HCN1: variants seen among roughly 807,000 people sequenced by gnomAD.
The protein encoded by HCN1 is hyperpolarization activated cyclic nucleotide gated potassium channel 1.
In HCN1, 13 loss-of-function variants were observed where a neutral mutation model predicts 78.9. That is an observed-to-expected ratio of 0.16 (90% CI 0.11 to 0.26). The LOEUF (loss-of-function observed/expected upper bound fraction) is 0.26. Ranked by LOEUF, HCN1 falls within the 10% of genes least tolerant of loss-of-function variation. The probability of loss-of-function intolerance (pLI) is 1.00; values close to 1 mark genes in which losing one functional copy is unlikely to be tolerated. For synonymous variants in HCN1, 552 were observed against 455.5 expected (o/e 1.21, Z -2.70); for missense variants, 810 against 1,154.3 (o/e 0.70, Z 4.32).
intron 2 of HCN1, among the ~76,000 whole-genome samples, chr5:45,632,086 G>C (rs887331756): frequency 3.3e-5 from 5 of 151,906 alleles, no homozygotes; most frequent in Non-Finnish European, 7.4e-5. Context: ...GTGGGTTTTT[G>C]CAGTTTTGAG....
At chr5:45,293,249 A>G (rs1692536882) in intron 6 of HCN1, among the ~76,000 whole-genome samples, 1 of 151,912 alleles carries the variant, frequency 6.6e-6, no homozygotes, top group African/African-American at 2.4e-5. Flanking sequence ...CCACAACCTC[A>G]CCAGTATCTA....
chr5:45,568,239 A>G (rs1182730061), intron 2 of HCN1, among the ~76,000 whole-genome samples: 1 of 152,110 alleles, frequency 6.6e-6, no homozygotes, highest in Non-Finnish European at 1.5e-5. Flanking sequence ...CCCTTAGCTC[A>G]AAGTTTTATC....
chr5:45,502,552 G>A (rs1449256109), intron 2 of HCN1, among the ~76,000 whole-genome samples: 1 of 151,852 alleles, frequency 6.6e-6, no homozygotes, highest in African/African-American at 2.4e-5. Flanking sequence ...AATATTTCTG[G>A]CCTTCATTTT....
chr5:45,633,188 C>A (rs1480040640), intron 2 of HCN1, among the ~76,000 whole-genome samples: 3 of 151,846 alleles, frequency 2.0e-5, no homozygotes, highest in South Asian at 2.1e-4. Flanking sequence ...AACAAAAAAA[C>A]CATTTAAGGA....
intron 3 of HCN1, among the ~76,000 whole-genome samples, chr5:45,444,376 A>ATAT (rs1432077743): frequency 6.6e-6 from 1 of 152,198 alleles, no homozygotes; most frequent in Non-Finnish European, 1.5e-5. Flanking sequence ...TTAGAAAATA[A>ATAT]TTGCCTGAGG....
At chr5:45,286,154 T>C (rs1745266539) in intron 6 of HCN1, among the ~76,000 whole-genome samples, 1 of 152,014 alleles carries the variant, frequency 6.6e-6, no homozygotes, top group African/African-American at 2.4e-5. Flanking sequence ...TTGTGTCTTC[T>C]CTCAGTGGCA....
chr5:45,512,525 T>C (rs1310853391), intron 2 of HCN1, among the ~76,000 whole-genome samples: 2 of 152,102 alleles, frequency 1.3e-5, no homozygotes, highest in Non-Finnish European at 2.9e-5. Flanking sequence ...TAGTCAATAA[T>C]TTAAATATAG....
intron 6 of HCN1, 32 bp downstream of exon 6, chr5:45,303,567 G>C (rs780178335): frequency 1.9e-5 from 31 of 1,610,164 alleles, no homozygotes; most frequent in Non-Finnish European, 1.6e-5. Flanking sequence ...AAGCAGTTTA[G>C]ATTTCATCTT....
At chr5:45,341,291 A>T (rs1324127755) in intron 5 of HCN1, among the ~76,000 whole-genome samples, 2 of 152,204 alleles carry the variant, frequency 1.3e-5, no homozygotes, top group African/African-American at 4.8e-5. Context: ...GAGACCAATG[A>T]TTAATAGCGG....
Position 45,367,333 on chromosome 5 carries a change from GAATT to G in HCN1, c.1231-14091_1231-14088del, listed in dbSNP as rs555131094. On this transcript the variant is annotated intron_variant, in intron 4 of 7. Coordinates refer to ENST00000303230, the MANE Select transcript of HCN1 (RefSeq NM_021072.4). ...TGAATATCAATGATTGATTTCAAAA[GAATT>G]ACACACATATATGTATGTATTTTGT... Among the ~76,000 whole-genome samples the G allele has an allele frequency of 1.1e-4, 16 of 151,472 alleles. No individual in the cohort carries two copies. In the South Asian group the frequency reaches 3.3e-3, roughly 32 times the overall value.
At chr5:45,567,753 A>T (rs993227713) in intron 2 of HCN1, among the ~76,000 whole-genome samples, 4 of 152,068 alleles carry the variant, frequency 2.6e-5, no homozygotes, top group African/African-American at 4.8e-5. Flanking sequence ...ATTAAGTTCT[A>T]ACTCTGACCC....
At chr5:45,663,374 T>C (rs902603493) in intron 1 of HCN1, among the ~76,000 whole-genome samples, 7 of 138,844 alleles carry the variant, frequency 5.0e-5, no homozygotes, top group African/African-American at 1.6e-4. Context: ...ACCTAGACAT[T>C]ACCATTCAGG....
At chr5:45,534,772 T>A (rs1217894971) in intron 2 of HCN1, among the ~76,000 whole-genome samples, 1 of 152,190 alleles carries the variant, frequency 6.6e-6, no homozygotes, top group Non-Finnish European at 1.5e-5. Context: ...TAACCTTATA[T>A]TTTGAATTCA....
At chr5:45,411,983 A>G (rs1347398859) in intron 3 of HCN1, among the ~76,000 whole-genome samples, 1 of 152,106 alleles carries the variant, frequency 6.6e-6, no homozygotes, top group Non-Finnish European at 1.5e-5. Flanking sequence ...AACTTTAAGG[A>G]ATATATCCAG....
intron 3 of HCN1, among the ~76,000 whole-genome samples, chr5:45,420,730 A>G (rs1367059807): frequency 6.6e-6 from 1 of 152,160 alleles, no homozygotes; most frequent in South Asian, 2.1e-4. Flanking sequence ...AAACACACAC[A>G]CACCATTTAC....
At chr5:45,615,582 T>C (rs1387718937) in intron 2 of HCN1, among the ~76,000 whole-genome samples, 1 of 151,890 alleles carries the variant, frequency 6.6e-6, no homozygotes, top group Non-Finnish European at 1.5e-5. Flanking sequence ...TTCTCACAAT[T>C]CTCGCCTGAA....
intron 3 of HCN1, among the ~76,000 whole-genome samples, chr5:45,460,340 C>T (rs1741120924): frequency 1.3e-5 from 2 of 152,062 alleles, no homozygotes; most frequent in Admixed American, 6.6e-5. Flanking sequence ...CATGGTGCCA[C>T]CTTAGATACA....
intron 3 of HCN1, among the ~76,000 whole-genome samples, chr5:45,425,938 C>G (rs1378883615): frequency 1.3e-5 from 2 of 152,074 alleles, no homozygotes; most frequent in African/African-American, 4.8e-5. Flanking sequence ...AAGCATATAA[C>G]AAACTAGAAC....
intron 2 of HCN1, among the ~76,000 whole-genome samples, chr5:45,579,193 A>G (rs1299259364): frequency 6.6e-6 from 1 of 152,130 alleles, no homozygotes; most frequent in African/African-American, 2.4e-5. Flanking sequence ...CTAAAAATTT[A>G]GTCAAATTCT....
Sources: gnomAD v4.1 joint callset for allele counts (sites outside exome capture counted in the v4.1 genomes callset) on GRCh38, gnomAD v4.1.1 for gene constraint, MANE v1.5 for transcripts, NCBI Gene and HGNC (gene_info 2026-07-23, HGNC 2026-07-21) for gene names.